INIP: variants seen among roughly 807,000 people sequenced by gnomAD.
INIP encodes the protein SOSS complex subunit C.
In INIP, 9 loss-of-function variants were observed where a neutral mutation model predicts 14.0. That is an observed-to-expected ratio of 0.64 (90% CI 0.39 to 1.12). INIP has a LOEUF of 1.12. INIP is among the 50% of genes most tolerant of loss of function. The probability of loss-of-function intolerance (pLI) is 0.01; values close to 1 mark genes in which losing one functional copy is unlikely to be tolerated. For synonymous variants in INIP, 37 were observed against 41.5 expected (o/e 0.89, Z 0.41); for missense variants, 78 against 122.7 (o/e 0.64, Z 1.72).
intron 2 of INIP, among the ~76,000 whole-genome samples, chr9:112,702,588 C>T (rs151168881): frequency 0.025 from 3,750 of 151,934 alleles, 158 homozygotes; most frequent in African/African-American, 0.084. Context: ...TTTTTTTAGA[C>T]GGAGTCTCGC....
intron 2 of INIP, among the ~76,000 whole-genome samples, chr9:112,712,718 G>A (rs781444298): frequency 6.6e-6 from 1 of 152,202 alleles, no homozygotes; most frequent in Non-Finnish European, 1.5e-5. Flanking sequence ...GCAGATTGGA[G>A]ATGGCAGAAG....
In INIP at chr9:112,701,282, T is replaced by G. The variant is rs1588081406; in HGVS notation, c.26-7049A>C. On this transcript the variant is annotated intron_variant, in intron 2 of 4. Transcript: ENST00000374242. ...AAGATCGTGCCACTGCACTCCAGCC[T>G]GGGCAACAAGGCAAAACTCTGTCTC... 2.6e-5 allele frequency among the ~76,000 whole-genome samples: 4 copies of G among 152,238 alleles called. No homozygotes were observed. In the South Asian group the frequency reaches 8.3e-4, roughly 31 times the overall value.
At chr9:112,694,316 C>T in intron 2 of INIP, 83 bp from the exon 3 acceptor site, 1 of 784,312 alleles carries the variant, frequency 1.3e-6, no homozygotes, top group Non-Finnish European at 2.1e-6. Context: ...TAACCTAAGT[C>T]ATCTAGAACC....
At chr9:112,716,954 C>T (rs2131323012) in intron 1 of INIP, among the ~76,000 whole-genome samples, 2 of 146,990 alleles carry the variant, frequency 1.4e-5, no homozygotes, top group East Asian at 2.0e-4. Flanking sequence ...GACAGCGAGA[C>T]TCGGTCTCAA....
chr9:112,687,547 G>T lies in INIP; in HGVS notation c.306C>A (p.Asp102Glu). The T allele has an allele frequency of 1.2e-6, 2 of 1,601,650 alleles. No individual in the cohort carries two copies. The highest frequency in any genetic ancestry group is 1.7e-6 in the Non-Finnish European group (2 of 1,169,542). Reference protein sequence around the residue: ...NLILPVLPRLDPE With the variant: ...NLILPVLPRLEPE ...ATCGCAAATGTTTTCTTCATTCTGGGTCAAGGCGAGGTAAAACAGGAAGAA... is the reference window on the plus strand; with the variant it reads ...ATCGCAAATGTTTTCTTCATTCTGGTTCAAGGCGAGGTAAAACAGGAAGAA... Residue 102 changes from aspartate to glutamate, a missense_variant, in exon 5 of 5, where the codon GAC becomes GAA. By Grantham distance (45) the Asp-to-Glu change is conservative. Transcript: ENST00000374242.
At chr9:112,715,804 C>A (rs1838792782) in intron 2 of INIP, among the ~76,000 whole-genome samples, 1 of 151,124 alleles carries the variant, frequency 6.6e-6, no homozygotes, top group Non-Finnish European at 1.5e-5. Context: ...TTATTTATAT[C>A]TTTATTCTAA....
At position 112,689,612 on chromosome 9, in the gene INIP, G is replaced by T; in HGVS notation, c.134C>A (p.Ala45Glu). The stretch of plus-strand genomic sequence containing the variant: ...CTTATTAAGAGAGGGTCTCGAGAGT[G>T]CAATGCTAAAATGGGAATCTTGGTT... ...SSTNHPGASIALSRPSLNKDF... is the reference protein window; with the variant it reads ...SSTNHPGASIELSRPSLNKDF... The change falls in exon 4 of 5, where the codon GCA becomes GAA. Residue 45 changes from alanine to glutamate, a missense_variant. By Grantham distance (107) the Ala-to-Glu change is moderately radical. Coordinates refer to ENST00000374242, the MANE Select transcript of INIP (RefSeq NM_021218.3). 6.2e-7 allele frequency: 1 copy of T among 1,613,428 alleles called. No homozygotes were observed. Among genetic ancestry groups the T allele is most frequent in the Non-Finnish European group, 8.5e-7 (1 of 1,179,360 alleles).
intron 2 of INIP, among the ~76,000 whole-genome samples, chr9:112,696,349 T>C (rs786983): frequency 0.16 from 24,808 of 152,044 alleles, 2,776 homozygotes; most frequent in African/African-American, 0.31. Context: ...ACGTCATGAC[T>C]GGCTCCACCC....
rs143471093 is a variant in INIP, at chr9:112,711,949, A to G, written c.25+4512T>C. Among the ~76,000 whole-genome samples, 5 of 152,328 alleles carry G rather than the reference A, an allele frequency of 3.3e-5. No homozygotes were observed. The East Asian group carries it at 9.6e-4, about 29-fold the overall frequency. On this transcript the variant is annotated intron_variant, in intron 2 of 4. Transcript: ENST00000374242. Reference sequence around the variant, plus strand: ...ACAAATATAATACTAAAATATTAAAAATTCACTACTTAAAGGCACTGGAGT... The same window carrying G: ...ACAAATATAATACTAAAATATTAAAGATTCACTACTTAAAGGCACTGGAGT...
At chr9:112,700,189 C>A (rs1838241959) in intron 2 of INIP, among the ~76,000 whole-genome samples, 1 of 152,144 alleles carries the variant, frequency 6.6e-6, no homozygotes, top group Non-Finnish European at 1.5e-5. Context: ...GATTTTCACA[C>A]AGTAGTTGTT....
At position 112,718,010 on chromosome 9, in the gene INIP, CG is replaced by C. The variant is rs1838886169; in HGVS notation, c.-81del. 6.6e-6 allele frequency: 1 copy of C among 152,666 alleles called. No individual in the cohort carries two copies. Among genetic ancestry groups the C allele is most frequent in the African/African-American group, 2.4e-5 (1 of 41,448 alleles). The allele number at this position is 152,666 out of a possible 1,614,324, so 9.5% of individuals were successfully genotyped here. On this transcript the variant is annotated 5_prime_UTR_variant, in exon 1 of 5. Transcript: ENST00000374242. ...ACCTGGGACCCGAGGACACCGGGACCGCCTCTCCTTACAATCGCTGCTCTTA... is the reference window on the plus strand; with the variant it reads ...ACCTGGGACCCGAGGACACCGGGACCCCTCTCCTTACAATCGCTGCTCTTA...
intron 4 of INIP, 104 bp downstream of exon 4, chr9:112,689,423 C>T: frequency 2.2e-6 from 2 of 909,122 alleles, no homozygotes; most frequent in Non-Finnish European, 3.5e-6. Flanking sequence ...ATGTGTGGAA[C>T]ATTTTTATTG....
intron 3 of INIP, among the ~76,000 whole-genome samples, chr9:112,690,480 A>AG (rs1161038326): frequency 1.3e-5 from 2 of 152,218 alleles, no homozygotes; most frequent in Non-Finnish European, 2.9e-5. Flanking sequence ...CTCAAAAAAA[A>AG]GAACTATCAT....
At chr9:112,713,984 CAA>C (rs376955548) in intron 2 of INIP, among the ~76,000 whole-genome samples, 17 of 78,748 alleles carry the variant, frequency 2.2e-4, no homozygotes, top group Non-Finnish European at 2.8e-4. Flanking sequence ...AACTCCATCT[CAA>C]AAAAAAAAAA....
At chr9:112,694,593 G>A (rs1261682185) in intron 2 of INIP, among the ~76,000 whole-genome samples, 1 of 152,174 alleles carries the variant, frequency 6.6e-6, no homozygotes, top group Admixed American at 6.5e-5. Context: ...TGCTGCAGGG[G>A]CCTGTGCAGT....
intron 2 of INIP, among the ~76,000 whole-genome samples, 184 bp from the exon 3 acceptor site, chr9:112,694,417 G>C (rs563924428): frequency 2.0e-5 from 3 of 152,190 alleles, no homozygotes; most frequent in African/African-American, 7.2e-5. Flanking sequence ...CTACTTCCCA[G>C]TAACTTTAAC....
At chr9:112,697,040 C>T (rs532648021) in intron 2 of INIP, among the ~76,000 whole-genome samples, 1 of 152,244 alleles carries the variant, frequency 6.6e-6, no homozygotes, top group African/African-American at 2.4e-5. Flanking sequence ...CTCCTTTCCC[C>T]GGAGGTCAGT....
chr9:112,700,862 T>C (rs1418248005), intron 2 of INIP, among the ~76,000 whole-genome samples: 1 of 151,998 alleles, frequency 6.6e-6, no homozygotes, highest in Non-Finnish European at 1.5e-5. Flanking sequence ...AACATTAATA[T>C]AGTTCCTGGC....
chr9:112,717,396 A>G (rs1004680675), intron 1 of INIP, among the ~76,000 whole-genome samples: 57 of 152,180 alleles, frequency 3.7e-4, no homozygotes, highest in African/African-American at 1.4e-3. Context: ...GCTAGTAGGA[A>G]TTATTTGGGC....
Sources: gnomAD v4.1 joint callset for allele counts (sites outside exome capture counted in the v4.1 genomes callset) on GRCh38, gnomAD v4.1.1 for gene constraint, MANE v1.5 for transcripts, NCBI Gene and HGNC (gene_info 2026-07-23, HGNC 2026-07-21) for gene names.